The following RAB38 variants were observed in gnomAD, a reference collection of about 807,000 sequenced individuals.
RAB38 encodes the protein ras-related protein Rab-38.
A neutral mutation model predicts 18.4 loss-of-function variants in RAB38; 15 were observed. The observed-to-expected ratio is 0.82, with a 90% CI of 0.55 to 1.26. The LOEUF is 1.26. RAB38 is among the 50% of genes most tolerant of loss of function. The probability of loss-of-function intolerance (pLI) is 0.00; values close to 1 mark genes in which losing one functional copy is unlikely to be tolerated. For synonymous variants in RAB38, 101 were observed against 104.4 expected, an observed-to-expected ratio of 0.97 and a Z score of 0.20; for missense variants, 294 against 267.4, an observed-to-expected ratio of 1.10 and a Z score of -0.69.
At chr11:87,805,513 G>A in the RAB38 span, among the ~76,000 whole-genome samples, 1 of 151,740 alleles carries the variant, frequency 6.6e-6, no homozygotes, top group African/African-American at 2.4e-5. Flanking sequence ...AGACACTGGA[G>A]AAGATATAAT....
chr11:87,970,155 C>G, the RAB38 span, among the ~76,000 whole-genome samples: 2 of 151,988 alleles, frequency 1.3e-5, no homozygotes, highest in East Asian at 3.9e-4. Flanking sequence ...AGCAAGTAAG[C>G]ACTCAACTTG....
chr11:88,020,170 T>TAAATCAA, the RAB38 span, among the ~76,000 whole-genome samples: 2 of 152,088 alleles, frequency 1.3e-5, no homozygotes, highest in African/African-American at 4.8e-5. Flanking sequence ...ATAGAGGAGC[T>TAAATCAA]GAATAGATAA....
At chr11:87,858,721 G>A in the RAB38 span, among the ~76,000 whole-genome samples, 2 of 151,854 alleles carry the variant, frequency 1.3e-5, no homozygotes, top group South Asian at 4.2e-4. Flanking sequence ...AAGAAAACAG[G>A]AAATGATGGA....
chr11:87,865,730 G>C, the RAB38 span, among the ~76,000 whole-genome samples: 9,649 of 151,712 alleles, frequency 0.064, 755 homozygotes, highest in African/African-American at 0.19. Context: ...AGGAAGAAAA[G>C]AAGAGAGAGA....
the RAB38 span, among the ~76,000 whole-genome samples, chr11:88,015,577 C>T: frequency 6.6e-6 from 1 of 152,070 alleles, no homozygotes; most frequent in African/African-American, 2.4e-5. Flanking sequence ...GTTAATCATA[C>T]TCTTGTGGTG....
the RAB38 span, among the ~76,000 whole-genome samples, chr11:87,823,469 T>C: frequency 1.3e-5 from 2 of 152,104 alleles, no homozygotes; most frequent in African/African-American, 4.8e-5. Context: ...AACACATTTT[T>C]AAAAGAAAAA....
intron 2 of RAB38, among the ~76,000 whole-genome samples, chr11:88,134,622 C>CT (rs1310002096): frequency 1.3e-5 from 2 of 152,176 alleles, no homozygotes; most frequent in African/African-American, 2.4e-5. Flanking sequence ...ATTACCTTTA[C>CT]TTAAATTGCT....
At chr11:87,823,110 T>C in the RAB38 span, among the ~76,000 whole-genome samples, 8 of 151,340 alleles carry the variant, frequency 5.3e-5, no homozygotes, top group East Asian at 1.6e-3. Context: ...GACAAAAGAG[T>C]TAATAGATAG....
At chr11:88,061,879 G>C in the RAB38 span, 2 of 151,992 alleles carry the variant, frequency 1.3e-5, no homozygotes, top group East Asian at 1.9e-4. Flanking sequence ...CTTTTCTTTA[G>C]TGAGTGCAAG....
the RAB38 span, among the ~76,000 whole-genome samples, chr11:88,039,543 G>A: frequency 6.6e-6 from 1 of 152,136 alleles, no homozygotes; most frequent in Non-Finnish European, 1.5e-5. Context: ...TGGAGAGGGA[G>A]GGATTAAGAG....
the RAB38 span, among the ~76,000 whole-genome samples, chr11:87,854,848 G>A: frequency 6.6e-6 from 1 of 152,128 alleles, no homozygotes; most frequent in Non-Finnish European, 1.5e-5. Flanking sequence ...AGGCTGGAGT[G>A]CAGTGGTGTG....
At chr11:88,085,544 G>A in the RAB38 span, among the ~76,000 whole-genome samples, 1 of 151,786 alleles carries the variant, frequency 6.6e-6, no homozygotes, top group Non-Finnish European at 1.5e-5. Context: ...TTATGATATG[G>A]CCTGAGAAAA....
the RAB38 span, among the ~76,000 whole-genome samples, chr11:88,005,876 T>A: frequency 2.8e-4 from 42 of 151,670 alleles, no homozygotes; most frequent in Admixed American, 3.3e-4. Flanking sequence ...CCATTGCATG[T>A]ACTTGACATC....
chr11:87,835,437 C>G, the RAB38 span, among the ~76,000 whole-genome samples: 1 of 152,108 alleles, frequency 6.6e-6, no homozygotes, highest in Non-Finnish European at 1.5e-5. Flanking sequence ...CATATTAAGC[C>G]CCGGCTTAGG....
the RAB38 span, among the ~76,000 whole-genome samples, chr11:88,049,226 T>G: frequency 6.6e-6 from 1 of 152,138 alleles, no homozygotes; most frequent in Non-Finnish European, 1.5e-5. Context: ...GAATGTCAGG[T>G]GTCTGAGCCA....
chr11:87,910,827 G>A, the RAB38 span, among the ~76,000 whole-genome samples: 6 of 151,712 alleles, frequency 4.0e-5, no homozygotes, highest in Non-Finnish European at 8.8e-5. Context: ...AGTAGAGACG[G>A]GGTTTCACCA....
chr11:87,807,899 GAACAGGAAGAAAAAT>G, the RAB38 span, among the ~76,000 whole-genome samples: 40 of 151,546 alleles, frequency 2.6e-4, no homozygotes, highest in Non-Finnish European at 4.4e-4. Flanking sequence ...ACACCAGTAG[GAACAGGAAGAAAAAT>G]AACAGGAAGA....
chr11:88,035,188 G>A, the RAB38 span, among the ~76,000 whole-genome samples: 2 of 152,102 alleles, frequency 1.3e-5, no homozygotes, highest in African/African-American at 4.8e-5. Context: ...TCTACTGTAT[G>A]AGTAATTTCT....
the RAB38 span, among the ~76,000 whole-genome samples, chr11:87,953,600 A>T: frequency 6.6e-6 from 1 of 152,262 alleles, no homozygotes; most frequent in Non-Finnish European, 1.5e-5. Flanking sequence ...TTAATCTGTT[A>T]TTGTGTCTAA....
Sources: allele counts gnomAD v4.1 joint callset (sites outside exome capture counted in the v4.1 genomes callset), GRCh38; gene constraint gnomAD v4.1.1; transcripts MANE v1.5; gene names NCBI Gene and HGNC (gene_info 2026-07-23, HGNC 2026-07-21).